Variants in PHLPP1 observed in about 807,000 individuals in gnomAD.
PHLPP1 encodes PH domain and leucine rich repeat protein phosphatase 1, also known as PH domain leucine-rich repeat-containing protein phosphatase 1.
PHLPP1 carries 42 observed loss-of-function variants against 117.2 expected under a neutral mutation model. That is an observed-to-expected ratio of 0.36 (90% confidence interval 0.28 to 0.46). The LOEUF is 0.46. Among genes scored for constraint, PHLPP1 ranks in the 20% least tolerant of loss-of-function variants. PHLPP1 has a pLI of 1.00. For synonymous variants in PHLPP1, 1,042 were observed against 970.7 expected (o/e 1.07, Z -1.37); for missense variants, 2,084 against 2,241.9 (o/e 0.93, Z 1.42).
intron 1 of PHLPP1, among the ~76,000 whole-genome samples, chr18:62,729,891 C>T (rs756522194): frequency 5.3e-5 from 8 of 152,082 alleles, no homozygotes; most frequent in Non-Finnish European, 1.0e-4. Flanking sequence ...TTTCTATCAC[C>T]CTGTATGCTA....
At position 62,765,823 on chromosome 18, in the gene PHLPP1, G is replaced by A. The variant is rs369356366; in HGVS notation, c.1576+48564G>A. On this transcript the variant is annotated intron_variant, in intron 1 of 16. Coordinates refer to ENST00000262719, the MANE Select transcript of PHLPP1 (RefSeq NM_194449.4). ...ATCCTGGCTAACATGGTGAAACCCC[G>A]TCTGTACTAAAATTACAAAAAAAAA... Among the ~76,000 whole-genome samples, 37 of 151,618 alleles carry A rather than the reference G, an allele frequency of 2.4e-4. No individual in the cohort carries two copies. In the East Asian group the frequency reaches 5.5e-3, roughly 23 times the overall value.
intron 10 of PHLPP1, among the ~76,000 whole-genome samples, chr18:62,933,846 C>A (rs1350966206): frequency 6.6e-6 from 1 of 152,034 alleles, no homozygotes; most frequent in African/African-American, 2.4e-5. Context: ...GCAAACTATG[C>A]AACTGGCAAA....
intron 1 of PHLPP1, among the ~76,000 whole-genome samples, chr18:62,740,544 C>T (rs1228217783): frequency 6.6e-6 from 1 of 152,206 alleles, no homozygotes; most frequent in Non-Finnish European, 1.5e-5. Context: ...AGAAACCATG[C>T]TAAACCTATC....
At chr18:62,755,590 C>T (rs1911991533) in intron 1 of PHLPP1, among the ~76,000 whole-genome samples, 1 of 152,114 alleles carries the variant, frequency 6.6e-6, no homozygotes, top group Admixed American at 6.6e-5. Context: ...TGTGAGGATG[C>T]AGTGAGAAGG....
intron 1 of PHLPP1, among the ~76,000 whole-genome samples, chr18:62,720,281 G>A (rs180974026): frequency 8.3e-4 from 126 of 152,152 alleles, no homozygotes; most frequent in Admixed American, 2.0e-3. Flanking sequence ...TTGATGTAGG[G>A]CAGCATTAAA....
chr18:62,808,718 A>T (rs1215203060), intron 1 of PHLPP1, among the ~76,000 whole-genome samples: 1 of 151,948 alleles, frequency 6.6e-6, no homozygotes, highest in East Asian at 1.9e-4. Flanking sequence ...AGCCCGGCTA[A>T]TTTTTTTATA....
intron 1 of PHLPP1, among the ~76,000 whole-genome samples, chr18:62,796,003 T>C (rs920865590): frequency 5.3e-5 from 8 of 152,242 alleles, no homozygotes; most frequent in Non-Finnish European, 7.3e-5. Flanking sequence ...CCATGTGACA[T>C]TGACACTTGT....
At position 62,978,957 on chromosome 18, in the gene PHLPP1, C is replaced by A; in HGVS notation, c.4680C>A (p.Gly1560=). 6.2e-7 allele frequency: 1 copy of A among 1,610,450 alleles called. No homozygotes were observed. The highest frequency in any genetic ancestry group is 8.5e-7 in the Non-Finnish European group (1 of 1,178,502). Residue 1560 remains glycine, a synonymous_variant, in exon 17 of 17, where the codon GGC becomes GGA. Transcript: ENST00000262719. The surrounding 1 kb of genome is among the most constrained non-coding windows in gnomAD (Gnocchi z 7.0). ...CCATCGAGGGCGTCTTCACCAACGG[C>A]AGCCGGGTGGAGGTGGAGGTGGACA... ...EEPIEGVFTN[G]SRVEVEVDIH...
intron 4 of PHLPP1, among the ~76,000 whole-genome samples, chr18:62,866,550 G>C (rs1023132222): frequency 6.6e-6 from 1 of 151,998 alleles, no homozygotes; most frequent in East Asian, 1.9e-4. Flanking sequence ...TGGCCCAAAA[G>C]GTTAGTATTT....
At chr18:62,793,114 G>T (rs1913512210) in intron 1 of PHLPP1, among the ~76,000 whole-genome samples, 1 of 152,170 alleles carries the variant, frequency 6.6e-6, no homozygotes, top group African/African-American at 2.4e-5. Context: ...GGCAGAGGTT[G>T]CAGTGAGCTG....
At chr18:62,774,219 A>G (rs1421699623) in intron 1 of PHLPP1, among the ~76,000 whole-genome samples, 8 of 152,148 alleles carry the variant, frequency 5.3e-5, no homozygotes, top group Non-Finnish European at 1.2e-4. Context: ...GGTCCCGGAC[A>G]GTTTTTTTCT....
chr18:62,856,430 C>T (rs779669803), intron 3 of PHLPP1, among the ~76,000 whole-genome samples: 43 of 152,104 alleles, frequency 2.8e-4, no homozygotes, highest in Non-Finnish European at 5.9e-4. Flanking sequence ...GCCAAGTGTG[C>T]TCCTTTTACA....
rs181696764 is a variant in PHLPP1, at chr18:62,730,987, G to A, written c.1576+13728G>A. On this transcript the variant is annotated intron_variant, in intron 1 of 16. Transcript: ENST00000262719. The stretch of plus-strand genomic sequence containing the variant: ...GGAAGATGGGATCTACTGTTGTTGG[G>A]CACTGATGCTCAGTTACATGGAAGA... Among the ~76,000 whole-genome samples the A allele has an allele frequency of 5.6e-4, 86 of 152,282 alleles. No homozygotes were observed. The East Asian group carries it at 0.014, about 25-fold the overall frequency.
intron 1 of PHLPP1, among the ~76,000 whole-genome samples, chr18:62,815,307 G>A (rs528552872): frequency 2.2e-4 from 34 of 151,798 alleles, no homozygotes; most frequent in Non-Finnish European, 4.1e-4. Flanking sequence ...ACAGGCGCCC[G>A]CCACCACGCC....
At chr18:62,839,042 A>G (rs1914987381) in intron 3 of PHLPP1, 133 bp downstream of exon 3, 1 of 908,190 alleles carries the variant, frequency 1.1e-6, no homozygotes, top group African/African-American at 1.7e-5. Context: ...GCCAGTGATT[A>G]GCAATTTTTA....
At chr18:62,913,564 G>A (rs1254304377) in intron 8 of PHLPP1, among the ~76,000 whole-genome samples, 2 of 152,220 alleles carry the variant, frequency 1.3e-5, no homozygotes, top group East Asian at 1.9e-4. Context: ...ATAAAGAATT[G>A]TCATAATGTA....
chr18:62,887,767 T>A (rs972550220), intron 4 of PHLPP1, among the ~76,000 whole-genome samples: 1 of 152,160 alleles, frequency 6.6e-6, no homozygotes, highest in Non-Finnish European at 1.5e-5. Context: ...AGGTAGAGTC[T>A]CACTGTATTG....
At chr18:62,970,292 T>G (rs1235679783) in intron 14 of PHLPP1, among the ~76,000 whole-genome samples, 1 of 152,224 alleles carries the variant, frequency 6.6e-6, no homozygotes, top group Non-Finnish European at 1.5e-5. Context: ...CCATCTATGT[T>G]ATAACCTCCA....
chr18:62,967,835 T>G (rs941514742), intron 14 of PHLPP1, among the ~76,000 whole-genome samples: 1 of 152,080 alleles, frequency 6.6e-6, no homozygotes. Flanking sequence ...TTTCTTTTTT[T>G]TTTTTTTAGA....
Sources: allele counts gnomAD v4.1 joint callset (sites outside exome capture counted in the v4.1 genomes callset), GRCh38; gene constraint gnomAD v4.1.1; non-coding constraint Gnocchi (gnomAD v3.1); transcripts MANE v1.5; gene names NCBI Gene and HGNC (gene_info 2026-07-23, HGNC 2026-07-21).